SYT6: variants seen among roughly 807,000 people sequenced by gnomAD.
The protein encoded by SYT6 is synaptotagmin 6, also known as synaptotagmin-6.
SYT6 carries 24 observed loss-of-function variants against 38.4 expected under a neutral mutation model. That is an observed-to-expected ratio of 0.62 (90% CI 0.45 to 0.88). SYT6 has a LOEUF of 0.88. Ranked by LOEUF, SYT6 falls within the 40% of genes least tolerant of loss-of-function variation. SYT6 has a pLI of 0.00. For missense variants in SYT6, 611 were observed against 621.0 expected, an observed-to-expected ratio of 0.98 and a Z score of 0.17; for synonymous variants, 265 against 241.9, an observed-to-expected ratio of 1.10 and a Z score of -0.89.
At position 114,129,653 on chromosome 1, in the gene SYT6, T is replaced by TTTTC. The variant is rs143511158; in HGVS notation, c.1071+7838_1071+7841dup. On this transcript the variant is annotated intron_variant, in intron 3 of 7. Coordinates refer to ENST00000610222, the MANE Select transcript of SYT6 (RefSeq NM_001253772.2). ...TCTTTCTTTCTTTCTCTTTCTTTCT[T>TTTTC]TTTCTTTCTTTCTTTCTTTCTTTTT... Among the ~76,000 whole-genome samples, 492 of 141,176 alleles carry TTTTC rather than the reference T, an allele frequency of 3.5e-3. 2 individuals are homozygous for TTTTC. Among genetic ancestry groups the TTTTC allele is most frequent in the African/African-American group, 7.9e-3 (306 of 38,848 alleles). The allele number at this position is 141,176 out of a possible 152,430, so 92.6% of individuals were successfully genotyped here.
At chr1:114,142,459 C>T (rs1205909215) in intron 1 of SYT6, among the ~76,000 whole-genome samples, 1 of 152,070 alleles carries the variant, frequency 6.6e-6, no homozygotes, top group African/African-American at 2.4e-5. Flanking sequence ...ATTTTATCTT[C>T]TTGAGATAAA....
chr1:114,096,636 C>T (rs1675657219), intron 6 of SYT6, among the ~76,000 whole-genome samples: 1 of 152,268 alleles, frequency 6.6e-6, no homozygotes, highest in East Asian at 1.9e-4. Flanking sequence ...GGGCAGGGAG[C>T]CGGCAGGTTC....
At chr1:114,129,604 C>CTTTCTTTCTTTCTT (rs1677992246) in intron 3 of SYT6, among the ~76,000 whole-genome samples, 1 of 93,702 alleles carries the variant, frequency 1.1e-5, no homozygotes, top group African/African-American at 4.2e-5. Context: ...TTCTTTCTTT[C>CTTTCTTTCTTTCTT]TTTCTTTCTT....
At chr1:114,122,545 G>A (rs1677478572) in intron 3 of SYT6, among the ~76,000 whole-genome samples, 1 of 150,988 alleles carries the variant, frequency 6.6e-6, no homozygotes, top group Non-Finnish European at 1.5e-5. Context: ...ACGTGGGGCT[G>A]CCTGGGGTCT....
intron 3 of SYT6, among the ~76,000 whole-genome samples, chr1:114,111,479 A>G (rs1676673149): frequency 6.6e-6 from 1 of 152,108 alleles, no homozygotes; most frequent in East Asian, 1.9e-4. Flanking sequence ...CCTCCTCACT[A>G]AATGCTCCAA....
intron 6 of SYT6, among the ~76,000 whole-genome samples, chr1:114,094,147 T>C (rs767637042): frequency 1.3e-5 from 2 of 152,040 alleles, no homozygotes; most frequent in Non-Finnish European, 2.9e-5. Flanking sequence ...CTAGAACAAA[T>C]GAAGAAGGAA....
At chr1:114,128,438 C>T (rs1677877605) in intron 3 of SYT6, among the ~76,000 whole-genome samples, 1 of 152,184 alleles carries the variant, frequency 6.6e-6, no homozygotes, top group Admixed American at 6.5e-5. Context: ...AAGCTATGGC[C>T]CATATATGGA....
At chr1:114,098,361 C>T (rs976513899) in intron 5 of SYT6, among the ~76,000 whole-genome samples, 4 of 152,192 alleles carry the variant, frequency 2.6e-5, no homozygotes, top group Non-Finnish European at 5.9e-5. Context: ...GCTGAAAGTC[C>T]TGTATTGAGG....
At chr1:114,136,527 A>G (rs1232867974) in intron 3 of SYT6, among the ~76,000 whole-genome samples, 1 of 152,188 alleles carries the variant, frequency 6.6e-6, no homozygotes, top group Non-Finnish European at 1.5e-5. Flanking sequence ...AGGGGACTGG[A>G]GCGAAGGGCT....
rs1557765262 is a variant in SYT6, at chr1:114,139,632, C to T, written c.495G>A (p.Glu165=). 2 of 1,614,122 alleles carry T rather than the reference C, an allele frequency of 1.2e-6. No homozygotes were observed. Among genetic ancestry groups the T allele is most frequent in the South Asian group, 2.2e-5 (2 of 91,072 alleles). ...CTCCTCACCTGGTGGATGACGCTGGCTCTGTAGTTTGCCGCTGCAGCCGGG... is the reference window on the plus strand; with the variant it reads ...CTCCTCACCTGGTGGATGACGCTGGTTCTGTAGTTTGCCGCTGCAGCCGGG... ...RHTRLQRQTT[E]PASSTRHTSF... The change falls in exon 2 of 8, where the codon GAG becomes GAA. Residue 165 remains glutamate (E), a synonymous_variant. Coordinates refer to ENST00000610222, the MANE Select transcript of SYT6 (RefSeq NM_001253772.2).
intron 3 of SYT6, among the ~76,000 whole-genome samples, chr1:114,106,700 A>C (rs540434067): frequency 6.6e-6 from 1 of 151,848 alleles, no homozygotes; most frequent in South Asian, 2.1e-4. Context: ...CTATACCTAC[A>C]TCATGCCCCC....
intron 1 of SYT6, among the ~76,000 whole-genome samples, chr1:114,153,333 C>A (rs184121904): frequency 1.6e-4 from 24 of 152,330 alleles, no homozygotes; most frequent in Admixed American, 1.4e-3. Context: ...CCCAAGGGTG[C>A]CCCGTCCTGG....
At chr1:114,129,598 T>TTCTTTCTC (rs1383342761) in intron 3 of SYT6, among the ~76,000 whole-genome samples, 4 of 110,114 alleles carry the variant, frequency 3.6e-5, no homozygotes, top group Non-Finnish European at 5.7e-5. Context: ...CTTTCTTTCT[T>TTCTTTCTC]TCTTTCTTTC....
intron 3 of SYT6, among the ~76,000 whole-genome samples, chr1:114,129,604 CTTTCTTTCTTTCCTTT>C (rs1204236187): frequency 0.072 from 6,715 of 92,800 alleles, 203 homozygotes; most frequent in Non-Finnish European, 0.093. Flanking sequence ...TTCTTTCTTT[CTTTCTTTCTTTCCTTT>C]CTTTCTTTCT....
At chr1:114,133,710 C>A (rs143035313) in intron 3 of SYT6, among the ~76,000 whole-genome samples, 1 of 152,216 alleles carries the variant, frequency 6.6e-6, no homozygotes, top group African/African-American at 2.4e-5. Flanking sequence ...ATGCAATGCA[C>A]GAGGCCTCCG....
At chr1:114,126,608 G>T (rs929095579) in intron 3 of SYT6, among the ~76,000 whole-genome samples, 3 of 152,232 alleles carry the variant, frequency 2.0e-5, no homozygotes, top group Admixed American at 2.0e-4. Context: ...AAGGTGGGGG[G>T]AAGCAACGGG....
At chr1:114,097,091 A>G (rs1377581946) in intron 6 of SYT6, among the ~76,000 whole-genome samples, 1 of 152,234 alleles carries the variant, frequency 6.6e-6, no homozygotes, top group Non-Finnish European at 1.5e-5. Flanking sequence ...ACAGCAAGTC[A>G]GGAGGGGCCA....
At chr1:114,095,722 GCGATCT>G (rs1675596664) in intron 6 of SYT6, among the ~76,000 whole-genome samples, 1 of 151,124 alleles carries the variant, frequency 6.6e-6, no homozygotes, top group African/African-American at 2.4e-5. Flanking sequence ...GTGCAGTGGT[GCGATCT>G]CAGCTCACTG....
At chr1:114,123,592 C>G (rs546771595) in intron 3 of SYT6, among the ~76,000 whole-genome samples, 1 of 152,274 alleles carries the variant, frequency 6.6e-6, no homozygotes, top group South Asian at 2.1e-4. Flanking sequence ...CTGTCTCTCC[C>G]CCTGCACATT....
Sources: allele counts gnomAD v4.1 joint callset (sites outside exome capture counted in the v4.1 genomes callset), GRCh38; gene constraint gnomAD v4.1.1; transcripts MANE v1.5; gene names NCBI Gene and HGNC (gene_info 2026-07-23, HGNC 2026-07-21).